The following ITPR2 variants were observed in gnomAD, a reference collection of about 807,000 sequenced individuals.
ITPR2 encodes the protein inositol 1,4,5-trisphosphate-gated calcium channel ITPR2.
A neutral mutation model predicts 317.1 loss-of-function variants in ITPR2; 207 were observed. The ratio of observed to expected loss-of-function variants is 0.65; its 90% CI spans 0.58 to 0.73. The LOEUF (loss-of-function observed/expected upper bound fraction) is 0.73, where lower values mean the gene tolerates loss of function less well. Among genes scored for constraint, ITPR2 ranks in the 30% least tolerant of loss-of-function variants. The pLI, the probability that ITPR2 is intolerant of heterozygous loss-of-function variation, is 0.00. For synonymous variants in ITPR2, 1,156 were observed against 1,149.1 expected, an observed-to-expected ratio of 1.01 and a Z score of -0.12; for missense variants, 2,613 against 3,284.0, an observed-to-expected ratio of 0.80 and a Z score of 4.99.
At chr12:26,603,442 A>G (rs577962800) in intron 26 of ITPR2, among the ~76,000 whole-genome samples, 2 of 152,326 alleles carry the variant, frequency 1.3e-5, no homozygotes, top group African/African-American at 4.8e-5. Flanking sequence ...ATCAAACACC[A>G]GTGACAAAAA....
rs562069563 is a variant in ITPR2 at position 26,384,620 on chromosome 12, C to G, written c.7857+2814G>C. ...TAAAATGCTGCTTTTAATGTTAAGGCCAGAGATGGGTCAACATTTTCACAG... is the reference window on the plus strand; with the variant it reads ...TAAAATGCTGCTTTTAATGTTAAGGGCAGAGATGGGTCAACATTTTCACAG... On this transcript the variant is annotated intron_variant, in intron 55 of 56. Transcript: ENST00000381340. Among the ~76,000 whole-genome samples the G allele has an allele frequency of 1.3e-4, 20 of 152,236 alleles. No individual in the cohort carries two copies. The East Asian group carries it at 2.5e-3, about 19-fold the overall frequency.
rs200985381 is a variant in ITPR2 at position 26,414,045 on chromosome 12, ATATG to A, written c.7306+1254_7306+1257del. ...TGGGAAGCAGATAGTCTACATGTAT[ATATG>A]TACACACACACACACACACACACAC... On this transcript the variant is annotated intron_variant, in intron 51 of 56. Coordinates refer to ENST00000381340, the MANE Select transcript of ITPR2 (RefSeq NM_002223.4). Among the ~76,000 whole-genome samples, 123 of 87,728 alleles carry A rather than the reference ATATG, an allele frequency of 1.4e-3. 3 individuals are homozygous for A. In the East Asian group the frequency reaches 0.031, roughly 22 times the overall value. 57.6% of individuals were successfully genotyped at this position (87,728 alleles called of 152,430 possible). A position where few individuals can be genotyped will look rare whatever the true frequency, so the allele number is the denominator to read the frequency against.
chr12:26,450,767 C>T (rs1163532565), intron 45 of ITPR2, among the ~76,000 whole-genome samples: 4 of 152,006 alleles, frequency 2.6e-5, no homozygotes, highest in Non-Finnish European at 4.4e-5. Flanking sequence ...CCAGAAGACA[C>T]GTGAAGGGCT....
At chr12:26,529,033 C>T (rs1412487129) in intron 37 of ITPR2, among the ~76,000 whole-genome samples, 1 of 152,224 alleles carries the variant, frequency 6.6e-6, no homozygotes, top group African/African-American at 2.4e-5. Context: ...CTTGCCTCCA[C>T]TGTCACCCTA....
chr12:26,484,139 GTGTATATA>G (rs974198958), intron 41 of ITPR2, among the ~76,000 whole-genome samples: 63 of 137,286 alleles, frequency 4.6e-4, no homozygotes, highest in Admixed American at 1.1e-3. Flanking sequence ...GTGTATATGT[GTGTATATA>G]TGTATATATG....
At chr12:26,665,848 C>T in intron 14 of ITPR2, 62 bp downstream of exon 14, 1 of 1,403,696 alleles carries the variant, frequency 7.1e-7, no homozygotes, top group Non-Finnish European at 9.9e-7. Flanking sequence ...TAATACAAGG[C>T]CTTTCCTGAT....
rs1429790249 is a variant in ITPR2 at position 26,624,265 on chromosome 12, CAAGT to C, written c.3122+30_3122+33del. The stretch of plus-strand genomic sequence containing the variant: ...AGAATTCTAAGTAAAATGTTATTCA[CAAGT>C]AAGATAAAGATATATAAATGTTACT... On this transcript the variant is annotated intron_variant, in intron 24 of 56. Transcript: ENST00000381340. The C allele has an allele frequency of 7.1e-6, 10 of 1,400,144 alleles. No individual in the cohort carries two copies. The African/African-American group carries it at 8.6e-5, about 12-fold the overall frequency. 86.7% of individuals were successfully genotyped at this position (1,400,144 alleles called of 1,614,324 possible).
chr12:26,349,516 A>G (rs1042426413), intron 55 of ITPR2, among the ~76,000 whole-genome samples: 3 of 152,270 alleles, frequency 2.0e-5, no homozygotes, highest in African/African-American at 4.8e-5. Context: ...TTATCATCAT[A>G]CCTTGAAATA....
intron 34 of ITPR2, among the ~76,000 whole-genome samples, chr12:26,570,204 A>C (rs1390550886): frequency 6.6e-6 from 1 of 152,190 alleles, no homozygotes; most frequent in Non-Finnish European, 1.5e-5. Flanking sequence ...ATCTACCCCT[A>C]ATATACTGGA....
chr12:26,656,180 C>T, intron 19 of ITPR2, 117 bp downstream of exon 19: 2 of 1,315,402 alleles, frequency 1.5e-6, no homozygotes, highest in South Asian at 1.4e-5. Flanking sequence ...AGAAGATTAA[C>T]AACCCAAGAC....
intron 55 of ITPR2, among the ~76,000 whole-genome samples, chr12:26,343,982 C>T (rs1447429621): frequency 1.3e-5 from 2 of 152,050 alleles, no homozygotes; most frequent in Admixed American, 6.5e-5. Flanking sequence ...GATGTGCGAC[C>T]TTTAAGATGT....
rs369680735 is a variant in ITPR2 at position 26,809,714 on chromosome 12, G to C, written c.93-19487C>G. ...GGAGTAGTTTAGCAGCTGTTCTTAC[G>C]GCTTGATGGCCTTGCTAATCTGATG... On this transcript the variant is annotated intron_variant, in intron 1 of 56. Transcript: ENST00000381340. Among the ~76,000 whole-genome samples the C allele has an allele frequency of 5.3e-5, 8 of 152,184 alleles. No homozygotes were observed. In the South Asian group the frequency reaches 6.2e-4, roughly 12 times the overall value.
intron 45 of ITPR2, among the ~76,000 whole-genome samples, chr12:26,470,202 C>T (rs976855184): frequency 6.6e-6 from 1 of 152,224 alleles, no homozygotes; most frequent in East Asian, 1.9e-4. Context: ...TCATGGATTG[C>T]TGTTACACTA....
At position 26,606,544 on chromosome 12, in the gene ITPR2, C is replaced by CTTT. The variant is rs10701661; in HGVS notation, c.3463-3841_3463-3839dup. 4.7e-3 allele frequency among the ~76,000 whole-genome samples: 667 copies of CTTT among 143,420 alleles called. 3 individuals carry two copies. Among genetic ancestry groups the CTTT allele is most frequent in the African/African-American group, 8.7e-3 (340 of 39,256 alleles). 94.1% of individuals were successfully genotyped at this position (143,420 alleles called of 152,430 possible). A position where few individuals can be genotyped will look rare whatever the true frequency, so the allele number is the denominator to read the frequency against. ...TATTGGTTCTAAAGATAGTTCCTCC[C>CTTT]TTTTTTTTTTTTTTGCATCAGGCAA... On this transcript the variant is annotated intron_variant, in intron 26 of 56. Transcript: ENST00000381340.
intron 31 of ITPR2, among the ~76,000 whole-genome samples, chr12:26,596,124 A>T (rs1158163336): frequency 6.6e-6 from 1 of 152,268 alleles, no homozygotes; most frequent in Non-Finnish European, 1.5e-5. Context: ...TCAAGAATGC[A>T]TCTATTCCAT....
intron 52 of ITPR2, among the ~76,000 whole-genome samples, chr12:26,401,798 T>C (rs762095921): frequency 3.9e-5 from 6 of 152,240 alleles, no homozygotes; most frequent in Non-Finnish European, 7.3e-5. Flanking sequence ...GAGCCGACTT[T>C]ATTTTAACAT....
At chr12:26,769,026 C>CACACACACACACACA (rs201911951) in intron 2 of ITPR2, among the ~76,000 whole-genome samples, 7 of 149,732 alleles carry the variant, frequency 4.7e-5, no homozygotes, top group Non-Finnish European at 7.4e-5. Flanking sequence ...CACACACACA[C>CACACACACACACACA]CCCAATCTCA....
At chr12:26,356,784 T>A (rs1028783061) in intron 55 of ITPR2, among the ~76,000 whole-genome samples, 1 of 152,258 alleles carries the variant, frequency 6.6e-6, no homozygotes, top group African/African-American at 2.4e-5. Flanking sequence ...TGGCCTCAAG[T>A]GATCCTCTTG....
intron 10 of ITPR2, among the ~76,000 whole-genome samples, chr12:26,693,993 C>T (rs377017146): frequency 1.3e-5 from 2 of 152,170 alleles, no homozygotes; most frequent in African/African-American, 4.8e-5. Flanking sequence ...TCCAAGGCCA[C>T]ACAAGTTAAT....
Sources: gnomAD v4.1 joint callset for allele counts (sites outside exome capture counted in the v4.1 genomes callset) on GRCh38, gnomAD v4.1.1 for gene constraint, MANE v1.5 for transcripts, NCBI Gene and HGNC (gene_info 2026-07-23, HGNC 2026-07-21) for gene names.